Variants in NIPAL2 observed in about 807,000 individuals in gnomAD.
NIPAL2 encodes the protein NIPA-like protein 2.
NIPAL2 carries 43 observed loss-of-function variants against 48.9 expected under a neutral mutation model. The observed-to-expected ratio is 0.88, with a 90% CI of 0.69 to 1.13. The LOEUF (loss-of-function observed/expected upper bound fraction) is 1.13. Ranked by LOEUF, NIPAL2 falls within the 50% of genes most tolerant of loss-of-function variation. NIPAL2 has a pLI of 0.00. For missense variants in NIPAL2, 446 were observed against 461.4 expected, an observed-to-expected ratio of 0.97 and a Z score of 0.31; for synonymous variants, 167 against 174.6, an observed-to-expected ratio of 0.96 and a Z score of 0.34.
At chr8:98,222,672 A>G in intron 4 of NIPAL2, 72 bp from the exon 5 acceptor site, 1 of 1,478,680 alleles carries the variant, frequency 6.8e-7, no homozygotes, top group South Asian at 1.2e-5. Context: ...GACATTGCCT[A>G]GAGACTGCGC....
chr8:98,291,327 G>A (rs1816478077), intron 1 of NIPAL2, among the ~76,000 whole-genome samples: 1 of 152,130 alleles, frequency 6.6e-6, no homozygotes, highest in Admixed American at 6.5e-5. Flanking sequence ...CTGCTTCTGG[G>A]TCCCTAAGCT....
chr8:98,224,117 C>T (rs1316502510), intron 4 of NIPAL2, among the ~76,000 whole-genome samples: 4 of 152,148 alleles, frequency 2.6e-5, no homozygotes, highest in Non-Finnish European at 5.9e-5. Context: ...CTAATAGTAT[C>T]CAGTTCTATT....
In NIPAL2 at chr8:98,294,047, C is replaced by T. The variant is rs1418039821; in HGVS notation, c.91G>A (p.Ala31Thr). 8 of 1,498,434 alleles carry T rather than the reference C, an allele frequency of 5.3e-6. No homozygotes were observed. The highest frequency in any genetic ancestry group is 7.1e-6 in the Non-Finnish European group (8 of 1,124,172). The allele number at this position is 1,498,434 out of a possible 1,614,324, so 92.8% of individuals were successfully genotyped here. The change falls in exon 1 of 11, where the codon GCC (alanine) becomes ACC (threonine). Residue 31 changes from alanine (A) to threonine (T), a missense_variant. Physicochemically the swap from Ala to Thr is moderately conservative, Grantham distance 58. Coordinates refer to ENST00000430223, the MANE Select transcript of NIPAL2 (RefSeq NM_001321635.2). ...TCGCCCGAGAGGGAGCCGTTGCCGG[C>T]GCCTGGTGCCCCGTACGTGAAATTC... Reference protein sequence around the residue: ...SLNFTYGAPGAGNGSLSGDWY... With the variant: ...SLNFTYGAPGTGNGSLSGDWY...
chr8:98,289,874 T>C (rs1365572915), intron 1 of NIPAL2, among the ~76,000 whole-genome samples: 2 of 152,216 alleles, frequency 1.3e-5, no homozygotes, highest in Non-Finnish European at 2.9e-5. Context: ...CATATGCAGC[T>C]ACTAGTAGAA....
chr8:98,226,305 G>A (rs1351984241), intron 4 of NIPAL2, among the ~76,000 whole-genome samples: 2 of 152,098 alleles, frequency 1.3e-5, no homozygotes, highest in African/African-American at 4.8e-5. Context: ...GCATTGAGGA[G>A]TTAGATATTT....
rs1219448110 is a variant in NIPAL2 at position 98,189,848 on chromosome 8, A to G, written c.*3130T>C. On this transcript the variant is annotated 3_prime_UTR_variant, in exon 11 of 11. Transcript: ENST00000430223. ...GGGTCACTGCTTGAGAAATTTTTTT[A>G]TTGTATTTGTTTTCAAGTGATTCTG... The G allele has an allele frequency of 6.6e-6, 1 of 152,080 alleles. No homozygotes were observed. Among genetic ancestry groups the G allele is most frequent in the Non-Finnish European group, 1.5e-5 (1 of 68,000 alleles). The allele number at this position is 152,080 out of a possible 1,614,324, so 9.4% of individuals were successfully genotyped here.
intron 3 of NIPAL2, among the ~76,000 whole-genome samples, chr8:98,240,790 G>A (rs1812943581): frequency 6.6e-6 from 1 of 152,204 alleles, no homozygotes; most frequent in African/African-American, 2.4e-5. Context: ...AAAAGAAGAA[G>A]GTCCTGTTGA....
At chr8:98,194,954 T>G (rs1033509059) in intron 9 of NIPAL2, 132 bp from the exon 10 acceptor site, 34 of 483,622 alleles carry the variant, frequency 7.0e-5, no homozygotes, top group African/African-American at 6.0e-4. Context: ...CATGGTAAGC[T>G]TCCTAGTACT....
chr8:98,193,963 A>T (rs1376792897), intron 10 of NIPAL2, among the ~76,000 whole-genome samples: 1 of 152,196 alleles, frequency 6.6e-6, no homozygotes, highest in East Asian at 1.9e-4. Flanking sequence ...AATTCATTGC[A>T]TGGGGCCATA....
intron 7 of NIPAL2, among the ~76,000 whole-genome samples, chr8:98,204,321 A>G (rs1004871550): frequency 6.6e-6 from 1 of 152,216 alleles, no homozygotes; most frequent in South Asian, 2.1e-4. Flanking sequence ...TCAGCCCATA[A>G]CAATTAGACG....
rs577681160 is a variant in NIPAL2, at chr8:98,234,795, G to A, written c.436+1360C>T. On this transcript the variant is annotated intron_variant, in intron 4 of 10. Coordinates refer to ENST00000430223, the MANE Select transcript of NIPAL2 (RefSeq NM_001321635.2). ...TCGAACTCCTGGACTCAAGCAATCC[G>A]TCTGCCTCGGCCTCCCAAAGTGCTG... is the stretch of plus-strand genomic sequence containing the variant. Among the ~76,000 whole-genome samples, 94 of 150,108 alleles carry A rather than the reference G, an allele frequency of 6.3e-4. 1 individual carries two copies. The South Asian group carries it at 0.013, about 21-fold the overall frequency.
In NIPAL2 at chr8:98,280,761, T is replaced by TATATATATATAGAGAG; in HGVS notation, c.135+13241_135+13242insCTCTCTATATATATAT. Among the ~76,000 whole-genome samples, 209 of 29,972 alleles carry TATATATATATAGAGAG rather than the reference T, an allele frequency of 7.0e-3. 5 individuals are homozygous for TATATATATATAGAGAG. The highest frequency in any genetic ancestry group is 9.0e-3 in the South Asian group (6 of 670). 19.7% of individuals were successfully genotyped at this position (29,972 alleles called of 152,430 possible). Reference sequence around the variant, plus strand: ...CTATATATATATATATATATATATATAGAGAGAGAGAGAGAGAGAGAGAGA... The same window carrying TATATATATATAGAGAG: ...CTATATATATATATATATATATATATATATATATATAGAGAGAGAGAGAGAGAGAGAGAGAGAGAGA... On this transcript the variant is annotated intron_variant, in intron 1 of 10. Transcript: ENST00000430223.
intron 1 of NIPAL2, among the ~76,000 whole-genome samples, chr8:98,264,629 G>A (rs1814589957): frequency 6.6e-6 from 1 of 150,498 alleles, no homozygotes; most frequent in Admixed American, 6.6e-5. Flanking sequence ...GGAAATAAAA[G>A]AGGATACAAA....
At chr8:98,198,899 A>C (rs1810679360) in intron 8 of NIPAL2, among the ~76,000 whole-genome samples, 2 of 151,550 alleles carry the variant, frequency 1.3e-5, no homozygotes, top group Admixed American at 6.6e-5. Context: ...CATTCATGTG[A>C]TCACTGGAGT....
intron 1 of NIPAL2, among the ~76,000 whole-genome samples, chr8:98,280,761 T>TATATAGAGAGAGAGAGAGAGAGAG: frequency 1.0e-3 from 30 of 30,026 alleles, no homozygotes; most frequent in Non-Finnish European, 1.6e-3. Context: ...TATATATATA[T>TATATAGAGAGAGAGAGAGAGAGAG]AGAGAGAGAG....
intron 1 of NIPAL2, among the ~76,000 whole-genome samples, chr8:98,283,072 T>G (rs1229435179): frequency 6.6e-6 from 1 of 152,226 alleles, no homozygotes; most frequent in East Asian, 1.9e-4. Context: ...TTCATGCCAA[T>G]TTTTAATCAA....
chr8:98,269,411 T>C (rs972494850), intron 1 of NIPAL2, among the ~76,000 whole-genome samples: 1 of 152,184 alleles, frequency 6.6e-6, no homozygotes, highest in Non-Finnish European at 1.5e-5. Context: ...GTTGTGTTAG[T>C]GGGCATGAAA....
At chr8:98,206,712 C>T (rs543316363) in intron 6 of NIPAL2, among the ~76,000 whole-genome samples, 1 of 149,844 alleles carries the variant, frequency 6.7e-6, no homozygotes, top group East Asian at 2.0e-4. Flanking sequence ...GGCGTGAACC[C>T]AGGAGGCGGA....
At chr8:98,245,821 T>A (rs778002795) in intron 3 of NIPAL2, among the ~76,000 whole-genome samples, 1 of 152,240 alleles carries the variant, frequency 6.6e-6, no homozygotes, top group Non-Finnish European at 1.5e-5. Context: ...TGAGCAGACA[T>A]AGATTAAAAC....
Sources: allele counts gnomAD v4.1 joint callset (sites outside exome capture counted in the v4.1 genomes callset), GRCh38; gene constraint gnomAD v4.1.1; transcripts MANE v1.5; gene names NCBI Gene and HGNC (gene_info 2026-07-23, HGNC 2026-07-21).